The following SHANK2 variants were observed in gnomAD, a reference collection of about 807,000 sequenced individuals.
SHANK2 encodes SH3 and multiple ankyrin repeat domains 2, also known as SH3 and multiple ankyrin repeat domains protein 2.
Under a neutral mutation model 133.7 loss-of-function variants are expected in SHANK2, and 43 were observed. The ratio of observed to expected loss-of-function variants is 0.32; its 90% CI spans 0.25 to 0.41. The LOEUF is 0.41. Ranked by LOEUF, SHANK2 falls within the 10% of genes least tolerant of loss-of-function variation. SHANK2 has a pLI of 1.00. For synonymous variants in SHANK2, 1,017 were observed against 952.8 expected, an observed-to-expected ratio of 1.07 and a Z score of -1.24; for missense variants, 1,994 against 2,235.8, an observed-to-expected ratio of 0.89 and a Z score of 2.18.
intron 17 of SHANK2, among the ~76,000 whole-genome samples, chr11:70,580,093 G>A (rs563433729): frequency 6.6e-6 from 1 of 152,320 alleles, no homozygotes; most frequent in African/African-American, 2.4e-5. Flanking sequence ...CAGGTTCGTG[G>A]TGACTTGCTG....
chr11:70,788,208 G>A (rs970228227), intron 14 of SHANK2, among the ~76,000 whole-genome samples: 2 of 152,298 alleles, frequency 1.3e-5, no homozygotes, highest in Middle Eastern at 6.8e-3. Flanking sequence ...CATTGTGGAT[G>A]AGGACTTTCC....
At position 70,769,549 on chromosome 11, in the gene SHANK2, C is replaced by T. The variant is rs145098121; in HGVS notation, c.1777+28894G>A. ...AGACGTGATGCATACCTGGTGCACA[C>T]GGCAGGGGGTGGGGCAGGGGGGCTC... On this transcript the variant is annotated intron_variant, in intron 14 of 25. Coordinates refer to ENST00000601538, the MANE Select transcript of SHANK2 (RefSeq NM_012309.5). Among the ~76,000 whole-genome samples, 71 of 142,366 alleles carry T rather than the reference C, an allele frequency of 5.0e-4. 1 individual carries two copies. The highest frequency in any genetic ancestry group is 7.0e-3 in the Middle Eastern group (2 of 284). 93.4% of individuals were successfully genotyped at this position (142,366 alleles called of 152,430 possible).
At chr11:70,850,170 C>T (rs1462940648) in intron 11 of SHANK2, among the ~76,000 whole-genome samples, 13 of 151,768 alleles carry the variant, frequency 8.6e-5, no homozygotes, top group Non-Finnish European at 1.9e-4. Context: ...TAGCCTGTAT[C>T]ACAACCTCCT....
In SHANK2 at chr11:71,214,107, C is replaced by G. The variant is rs1020619855; in HGVS notation, c.-13+10590G>C. Among the ~76,000 whole-genome samples, 13 of 152,312 alleles carry G rather than the reference C, an allele frequency of 8.5e-5. 1 individual carries two copies. In the South Asian group the frequency reaches 2.1e-3, roughly 24 times the overall value. ...CCTGGCCCTGCCTCTCTCACAGAAA[C>G]CCCCAGAAAGGGTCTGGCCTCAGTT... On this transcript the variant is annotated intron_variant, in intron 2 of 25. Coordinates refer to ENST00000601538, the MANE Select transcript of SHANK2 (RefSeq NM_012309.5).
At chr11:70,656,605 G>T (rs540897756) in intron 17 of SHANK2, among the ~76,000 whole-genome samples, 15 of 152,168 alleles carry the variant, frequency 9.9e-5, no homozygotes, top group Admixed American at 8.5e-4. Context: ...TGGGAATTCC[G>T]GCACACTAGC....
chr11:70,656,903 G>A (rs1392257152), intron 17 of SHANK2, among the ~76,000 whole-genome samples: 1 of 152,138 alleles, frequency 6.6e-6, no homozygotes, highest in Non-Finnish European at 1.5e-5. Flanking sequence ...AATTCTACAA[G>A]CTAAGTACCC....
In SHANK2 at chr11:70,473,492, C is replaced by A; in HGVS notation, c.4980-53G>T. ...CACAAGGCAGGTCACCGAGTCAGGG[C>A]AGCTGGCTGCAGATCACCCAGGAAG... On this transcript the variant is annotated intron_variant, in intron 25 of 25. Coordinates refer to ENST00000601538, the MANE Select transcript of SHANK2 (RefSeq NM_012309.5). This position sits in a 1 kb window ranked among gnomAD's most constrained non-coding sequence, Gnocchi z 5.9. 1 of 1,571,030 alleles carries A rather than the reference C, an allele frequency of 6.4e-7. No homozygotes were observed. The highest frequency in any genetic ancestry group is 8.7e-7 in the Non-Finnish European group (1 of 1,155,790).
intron 25 of SHANK2, among the ~76,000 whole-genome samples, chr11:70,484,104 G>C (rs2058770817): frequency 6.6e-6 from 1 of 152,186 alleles, no homozygotes; most frequent in African/African-American, 2.4e-5. Context: ...TGCCACCTGG[G>C]GAACAGCAAA....
At chr11:70,721,230 G>T (rs1222295836) in intron 14 of SHANK2, among the ~76,000 whole-genome samples, 1 of 152,218 alleles carries the variant, frequency 6.6e-6, no homozygotes, top group East Asian at 1.9e-4. Context: ...CATTTCAGGC[G>T]CATCACACCT....
At chr11:70,664,226 T>C (rs1591723581) in intron 15 of SHANK2, among the ~76,000 whole-genome samples, 1 of 152,108 alleles carries the variant, frequency 6.6e-6, no homozygotes, top group African/African-American at 2.4e-5. Flanking sequence ...GTGTCCCTCA[T>C]GGGAAATGCC....
At chr11:71,074,084 G>A (rs1207674697) in intron 9 of SHANK2, among the ~76,000 whole-genome samples, 3 of 152,146 alleles carry the variant, frequency 2.0e-5, no homozygotes, top group South Asian at 2.1e-4. Context: ...TGGGATGCTC[G>A]CCTTGCTTTC....
chr11:70,759,664 A>C (rs1222754076), intron 14 of SHANK2, among the ~76,000 whole-genome samples: 1 of 152,168 alleles, frequency 6.6e-6, no homozygotes, highest in African/African-American at 2.4e-5. Context: ...GATTGTAAGC[A>C]AGACCTAAGA....
In SHANK2 at chr11:70,487,267, C is replaced by T. The variant is rs1426716299; in HGVS notation, c.3026G>A (p.Arg1009Gln). The stretch of plus-strand genomic sequence containing the variant: ...GGACTGCTTCACCAGCATCCCCTTC[C>T]GCCTGGCGGGCTTGGCGGGGACGTA... The part of the protein sequence containing the change: ...AVYVPAKPAR[R>Q]KGMLVKQSNV... Residue 1009 changes from arginine to glutamine, a missense_variant, in exon 25 of 26, where the codon CGG (arginine) becomes CAG (glutamine). Arg to Gln is a conservative substitution (Grantham distance 43). Around this residue, in one of 5 missense-constraint regions of SHANK2, gnomAD observed 488 missense variants for 642.6 expected, o/e 0.76. Transcript: ENST00000601538. This position sits in a 1 kb window ranked among gnomAD's most constrained non-coding sequence, Gnocchi z 5.8. 1.9e-6 allele frequency: 3 copies of T among 1,614,222 alleles called. No individual in the cohort carries two copies. The highest frequency in any genetic ancestry group is 2.5e-6 in the Non-Finnish European group (3 of 1,180,048).
At chr11:70,855,938 GA>G (rs1312300056) in intron 11 of SHANK2, among the ~76,000 whole-genome samples, 10 of 152,168 alleles carry the variant, frequency 6.6e-5, no homozygotes, top group African/African-American at 2.4e-4. Flanking sequence ...TGGATAGAGA[GA>G]TGGAAGGATG....
intron 17 of SHANK2, among the ~76,000 whole-genome samples, chr11:70,541,344 G>A (rs2059619488): frequency 6.6e-6 from 1 of 152,186 alleles, no homozygotes; most frequent in South Asian, 2.1e-4. Context: ...GGAACAGTAG[G>A]AATAGCCACC....
chr11:71,062,238 G>A (rs1405256430), intron 9 of SHANK2, among the ~76,000 whole-genome samples: 1 of 152,162 alleles, frequency 6.6e-6, no homozygotes, highest in Admixed American at 6.5e-5. Flanking sequence ...TGACAGGTGT[G>A]AGCCACTGCA....
At chr11:70,859,313 G>C (rs1949220647) in intron 11 of SHANK2, among the ~76,000 whole-genome samples, 2 of 152,172 alleles carry the variant, frequency 1.3e-5, no homozygotes, top group Non-Finnish European at 2.9e-5. Flanking sequence ...TAGGTGAGTG[G>C]AGGGATAGAT....
chr11:71,193,170 T>C (rs1348223014), intron 2 of SHANK2, among the ~76,000 whole-genome samples: 1 of 152,112 alleles, frequency 6.6e-6, no homozygotes, highest in Non-Finnish European at 1.5e-5. Flanking sequence ...ATCATACTAA[T>C]AAATCAACTC....
intron 14 of SHANK2, among the ~76,000 whole-genome samples, chr11:70,716,017 C>T (rs1945909721): frequency 6.6e-6 from 1 of 152,180 alleles, no homozygotes; most frequent in South Asian, 2.1e-4. Context: ...CCCCCTATGC[C>T]TGCCCCTCCA....
Sources: allele counts gnomAD v4.1 joint callset (sites outside exome capture counted in the v4.1 genomes callset), GRCh38; gene constraint gnomAD v4.1.1; regional missense constraint gnomAD v4.1.1; non-coding constraint Gnocchi (gnomAD v3.1); transcripts MANE v1.5; gene names NCBI Gene and HGNC (gene_info 2026-07-23, HGNC 2026-07-21).